The following GALP variants were observed in gnomAD, a reference collection of about 807,000 sequenced individuals.
The protein encoded by GALP is galanin like peptide.
In GALP, 12 loss-of-function variants were observed where a neutral mutation model predicts 15.2. The observed-to-expected ratio is 0.79, with a 90% CI of 0.51 to 1.28. The LOEUF is 1.28. GALP is among the 50% of genes most tolerant of loss of function. The probability of loss-of-function intolerance (pLI) is 0.00; values close to 1 mark genes in which losing one functional copy is unlikely to be tolerated. For missense variants in GALP, 161 were observed against 145.6 expected, an observed-to-expected ratio of 1.11 and a Z score of -0.55; for synonymous variants, 58 against 55.1, an observed-to-expected ratio of 1.05 and a Z score of -0.23.
intron 2 of GALP, among the ~76,000 whole-genome samples, chr19:56,178,136 C>A (rs1313650753): frequency 6.7e-6 from 1 of 150,012 alleles, no homozygotes; most frequent in Non-Finnish European, 1.5e-5. Flanking sequence ...GTGCACCACG[C>A]CTGCATTTAA....
chr19:56,180,899 C>T (rs1419032646), intron 3 of GALP, among the ~76,000 whole-genome samples: 1 of 82,610 alleles, frequency 1.2e-5, no homozygotes, highest in African/African-American at 5.4e-5. Context: ...CTCTTTCTTT[C>T]TTTCTTTCTT....
intron 5 of GALP, among the ~76,000 whole-genome samples, chr19:56,185,014 G>C (rs1162950056): frequency 1.1e-4 from 17 of 152,126 alleles, no homozygotes; most frequent in Non-Finnish European, 1.5e-5. Flanking sequence ...AAAGTAGAGA[G>C]AAGGGGCCAG....
chr19:56,183,480 T>C (rs2032600939), intron 5 of GALP, among the ~76,000 whole-genome samples: 1 of 152,110 alleles, frequency 6.6e-6, no homozygotes, highest in South Asian at 2.1e-4. Context: ...TCTAGCACTT[T>C]TGCAATTAGG....
At chr19:56,180,844 C>T (rs2032551498) in intron 3 of GALP, among the ~76,000 whole-genome samples, 1 of 151,610 alleles carries the variant, frequency 6.6e-6, no homozygotes. Flanking sequence ...AGCTCTGCCC[C>T]TTGCTTGGTT....
chr19:56,179,888 A>G (rs1202224688), intron 2 of GALP, among the ~76,000 whole-genome samples: 1 of 150,776 alleles, frequency 6.6e-6, no homozygotes, highest in Non-Finnish European at 1.5e-5. Flanking sequence ...TGCAATCTCC[A>G]CCTCCCAGGT....
At chr19:56,183,962 A>AT (rs1000748856) in intron 5 of GALP, among the ~76,000 whole-genome samples, 1,532 of 142,778 alleles carry the variant, frequency 0.011, 34 homozygotes, top group African/African-American at 0.036. Flanking sequence ...CATTCATTCT[A>AT]TTTTTTTTTT....
chr19:56,181,896 T>C (rs73934760), intron 3 of GALP, among the ~76,000 whole-genome samples: 2,768 of 152,072 alleles, frequency 0.018, 96 homozygotes, highest in African/African-American at 0.063. Flanking sequence ...GCAGAGACAG[T>C]GTGGCAGGAG....
At chr19:56,184,149 T>C (rs937733656) in intron 5 of GALP, among the ~76,000 whole-genome samples, 1 of 151,694 alleles carries the variant, frequency 6.6e-6, no homozygotes, top group Non-Finnish European at 1.5e-5. Context: ...AGAGACGGGG[T>C]TTTGCCATGT....
chr19:56,182,909 G>A (rs748691962), intron 4 of GALP, among the ~76,000 whole-genome samples: 1 of 152,060 alleles, frequency 6.6e-6, no homozygotes, highest in Non-Finnish European at 1.5e-5. Context: ...TTGTTATATA[G>A]GAAAACTTGT....
At chr19:56,180,951 T>C (rs901967502) in intron 3 of GALP, among the ~76,000 whole-genome samples, 3 of 138,224 alleles carry the variant, frequency 2.2e-5, no homozygotes, top group African/African-American at 8.2e-5. Flanking sequence ...AGAGTCTCGC[T>C]CTGTTGCCCA....
At chr19:56,178,478 C>G (rs1599927344) in intron 2 of GALP, among the ~76,000 whole-genome samples, 1 of 72,504 alleles carries the variant, frequency 1.4e-5, no homozygotes, top group Non-Finnish European at 2.9e-5. Context: ...AAAACAAAAA[C>G]AAGAAAAGAA....
intron 2 of GALP, among the ~76,000 whole-genome samples, chr19:56,178,142 T>C (rs2032497023): frequency 6.8e-6 from 1 of 147,904 alleles, no homozygotes; most frequent in Non-Finnish European, 1.5e-5. Flanking sequence ...CACGCCTGCA[T>C]TTAAAATGCA....
intron 3 of GALP, among the ~76,000 whole-genome samples, chr19:56,181,833 C>T (rs943336364): frequency 6.6e-6 from 1 of 152,130 alleles, no homozygotes; most frequent in East Asian, 1.9e-4. Flanking sequence ...CCGAGATTCC[C>T]GTGGTGCTCA....
chr19:56,177,989 G>T (rs892166977), intron 2 of GALP, among the ~76,000 whole-genome samples: 1 of 152,084 alleles, frequency 6.6e-6, no homozygotes, highest in Admixed American at 6.6e-5. Flanking sequence ...ACAATGTGTT[G>T]TATACTTGAA....
intron 2 of GALP, among the ~76,000 whole-genome samples, chr19:56,178,521 CAAAAAAAAAAA>C (rs80223966): frequency 1.2e-5 from 1 of 85,770 alleles, no homozygotes; most frequent in Non-Finnish European, 2.3e-5. Context: ...ACAACAACAA[CAAAAAAAAAAA>C]AAAAAAAAAA....
rs544804871 is a variant in GALP at position 56,184,292 on chromosome 19, G to A, written c.296-923G>A. ...TTCACTGCCTAGCACAATGCATGACGCATAGTAGGTACTTGGTAAATATTT... is the reference window on the plus strand; with the variant it reads ...TTCACTGCCTAGCACAATGCATGACACATAGTAGGTACTTGGTAAATATTT... On this transcript the variant is annotated intron_variant, in intron 5 of 5. Transcript: ENST00000357330. Among the ~76,000 whole-genome samples, 8 of 152,062 alleles carry A rather than the reference G, an allele frequency of 5.3e-5. No individual in the cohort carries two copies. The South Asian group carries it at 6.2e-4, about 12-fold the overall frequency.
chr19:56,184,960 C>A (rs1469715386), intron 5 of GALP, among the ~76,000 whole-genome samples: 1 of 152,182 alleles, frequency 6.6e-6, no homozygotes, highest in African/African-American at 2.4e-5. Context: ...TCACCATGTG[C>A]CTTCTTAAAA....
intron 5 of GALP, among the ~76,000 whole-genome samples, chr19:56,183,414 C>T (rs1297552226): frequency 2.6e-5 from 4 of 152,114 alleles, no homozygotes; most frequent in African/African-American, 7.2e-5. Context: ...CCCTTCACCT[C>T]GATTCCTTCA....
intron 5 of GALP, among the ~76,000 whole-genome samples, chr19:56,184,087 C>G (rs2032613813): frequency 1.3e-5 from 2 of 151,708 alleles, no homozygotes; most frequent in African/African-American, 4.8e-5. Flanking sequence ...TTCTGAGTAG[C>G]TGGGATTACA....
Sources: allele counts gnomAD v4.1 joint callset (sites outside exome capture counted in the v4.1 genomes callset), GRCh38; gene constraint gnomAD v4.1.1; transcripts MANE v1.5; gene names NCBI Gene and HGNC (gene_info 2026-07-23, HGNC 2026-07-21).